Variants in MYO5B observed in about 807,000 individuals in gnomAD.
The protein encoded by MYO5B is myosin VB, also known as unconventional myosin-Vb.
Under a neutral mutation model 229.3 loss-of-function variants are expected in MYO5B, and 143 were observed. The ratio of observed to expected loss-of-function variants is 0.62; its 90% CI spans 0.54 to 0.72. The LOEUF (loss-of-function observed/expected upper bound fraction) is 0.72. Among genes scored for constraint, MYO5B ranks in the 30% least tolerant of loss-of-function variants. MYO5B has a pLI of 0.00. For synonymous variants in MYO5B, 918 were observed against 885.2 expected (o/e 1.04, Z -0.66); for missense variants, 2,321 against 2,331.0 (o/e 1.00, Z 0.09).
At chr18:50,031,194 G>A (rs967213540) in intron 4 of MYO5B, among the ~76,000 whole-genome samples, 1 of 152,166 alleles carries the variant, frequency 6.6e-6, no homozygotes, top group South Asian at 2.1e-4. Context: ...TACCCATTAA[G>A]GGAGGTAGAA....
At chr18:49,974,802 C>CAG (rs201386685) in intron 9 of MYO5B, among the ~76,000 whole-genome samples, 187 bp from the exon 10 acceptor site, 1,556 of 148,660 alleles carry the variant, frequency 0.01, 22 homozygotes, top group African/African-American at 0.037. Flanking sequence ...CACACAGACA[C>CAG]ACACACACAC....
chr18:49,974,647 G>A, intron 9 of MYO5B, 32 bp from the exon 10 acceptor site: 2 of 1,604,270 alleles, frequency 1.2e-6, no homozygotes, highest in Non-Finnish European at 1.7e-6. Context: ...GGTTCAGGAG[G>A]AGTGTGGGAG....
At chr18:49,970,967 A>C (rs1315306558) in intron 10 of MYO5B, 2 of 152,220 alleles carry the variant, frequency 1.3e-5, no homozygotes. Context: ...CTCAAAAGAG[A>C]CAAGGAGAAG....
At chr18:49,961,355 A>T (rs1267890596) in intron 12 of MYO5B, among the ~76,000 whole-genome samples, 1 of 152,198 alleles carries the variant, frequency 6.6e-6, no homozygotes, top group Non-Finnish European at 1.5e-5. Flanking sequence ...AAAAAAAAAT[A>T]TGCAAGCTGT....
At chr18:49,925,278 C>A (rs1568033039) in intron 17 of MYO5B, among the ~76,000 whole-genome samples, 1 of 152,224 alleles carries the variant, frequency 6.6e-6, no homozygotes, top group Non-Finnish European at 1.5e-5. Context: ...CCACCAATTG[C>A]CAATCAGAAA....
chr18:50,091,906 T>G (rs2031455808), intron 1 of MYO5B, among the ~76,000 whole-genome samples: 1 of 152,174 alleles, frequency 6.6e-6, no homozygotes, highest in Non-Finnish European at 1.5e-5. Context: ...GGGATGACAA[T>G]GCACTGGGAC....
At chr18:49,907,911 G>C (rs904273412) in intron 18 of MYO5B, among the ~76,000 whole-genome samples, 5 of 152,254 alleles carry the variant, frequency 3.3e-5, no homozygotes, top group Admixed American at 3.3e-4. Context: ...CTCATGCTGA[G>C]AGGAACAGGG....
At chr18:49,951,033 C>T (rs535694905) in intron 14 of MYO5B, among the ~76,000 whole-genome samples, 1 of 152,316 alleles carries the variant, frequency 6.6e-6, no homozygotes, top group East Asian at 1.9e-4. Context: ...AGGGTGCCTA[C>T]ATAATCAACC....
At position 50,001,327 on chromosome 18, in the gene MYO5B, G is replaced by A. The variant is rs370497980; in HGVS notation, c.540C>T (p.Phe180=). ...TVSAKYAMRY[F]ATVGGSASET... is the part of the protein sequence containing the mutation. ...CACTGGCCGAGCCACCAACGGTGGC[G>A]AAATAGCGCATGGCATACTTGGCTG... The change falls in exon 5 of 40, where the codon TTC becomes TTT. Residue 180 remains phenylalanine (F), a synonymous_variant. Coordinates refer to ENST00000285039, the MANE Select transcript of MYO5B (RefSeq NM_001080467.3). 41 of 1,614,044 alleles carry A rather than the reference G, an allele frequency of 2.5e-5. No homozygotes were observed. The highest frequency in any genetic ancestry group is 3.3e-4 in the Middle Eastern group (2 of 6,084).
At chr18:49,988,727 A>G (rs1014953378) in intron 7 of MYO5B, among the ~76,000 whole-genome samples, 11 of 152,140 alleles carry the variant, frequency 7.2e-5, no homozygotes, top group Admixed American at 2.6e-4. Flanking sequence ...AGGAAAGAGG[A>G]GGATGGCAGT....
intron 1 of MYO5B, among the ~76,000 whole-genome samples, chr18:50,165,846 A>C (rs561808975): frequency 2.6e-5 from 4 of 152,278 alleles, no homozygotes; most frequent in Middle Eastern, 3.4e-3. Context: ...AAGAAAGATA[A>C]GATAACCTGA....
chr18:49,884,353 A>G (rs979904069), intron 22 of MYO5B, among the ~76,000 whole-genome samples: 4 of 152,134 alleles, frequency 2.6e-5, no homozygotes, highest in Non-Finnish European at 4.4e-5. Context: ...TATTTATTAT[A>G]TACTTTATTT....
intron 31 of MYO5B, among the ~76,000 whole-genome samples, chr18:49,853,224 G>T (rs2024222182): frequency 6.6e-6 from 1 of 152,218 alleles, no homozygotes; most frequent in African/African-American, 2.4e-5. Context: ...AAGAAGGCAG[G>T]TGACGCCCCC....
Position 49,887,051 on chromosome 18 carries a change from T to G in MYO5B, c.3046-6596A>C, listed in dbSNP as rs80110214. 4.2e-3 allele frequency among the ~76,000 whole-genome samples: 639 copies of G among 152,268 alleles called. 7 individuals carry two copies. Among genetic ancestry groups the G allele is most frequent in the African/African-American group, 0.014 (595 of 41,564 alleles). The stretch of plus-strand genomic sequence containing the variant: ...CTGGGTCATGGGGGTGGATCCCTCA[T>G]GAATGCTGTAGCACCATCCCCTTGG... On this transcript the variant is annotated intron_variant, in intron 22 of 39. Transcript: ENST00000285039.
intron 10 of MYO5B, among the ~76,000 whole-genome samples, chr18:49,963,551 C>T (rs978730941): frequency 6.6e-6 from 1 of 151,940 alleles, no homozygotes; most frequent in African/African-American, 2.4e-5. Flanking sequence ...GTCAGCCTCC[C>T]GAGTAGCTGG....
At chr18:49,842,938 C>T (rs2024077581) in intron 34 of MYO5B, among the ~76,000 whole-genome samples, 1 of 152,224 alleles carries the variant, frequency 6.6e-6, no homozygotes. Flanking sequence ...TCCCTAGCAC[C>T]TCTGGCAGTG....
At chr18:49,923,546 G>A (rs993904878) in intron 17 of MYO5B, among the ~76,000 whole-genome samples, 4 of 152,182 alleles carry the variant, frequency 2.6e-5, no homozygotes, top group South Asian at 2.1e-4. Flanking sequence ...AAGTGTGGGC[G>A]ACACACACTG....
chr18:49,992,355 T>C lies in MYO5B; in HGVS notation c.689A>G (p.Lys230Arg), dbSNP rs750490159. ...FGKYIQIGFDKRYHIIGANMR... is the reference protein window; with the variant it reads ...FGKYIQIGFDRRYHIIGANMR... ...GTTGGCCCCGATGATGTGGTACCTT[T>C]TGTCAAAGCCAATCTGGATGTACTT... is the stretch of plus-strand genomic sequence containing the variant. Residue 230 changes from lysine (K) to arginine (R), a missense_variant, in exon 6 of 40, where the codon AAA becomes AGA. Around this residue, in one of 2 missense-constraint regions of MYO5B, gnomAD observed 2,113 missense variants for 2,044.7 expected, o/e 1.03. Coordinates refer to ENST00000285039, the MANE Select transcript of MYO5B (RefSeq NM_001080467.3). The C allele has an allele frequency of 6.2e-7, 1 of 1,614,186 alleles. No homozygotes were observed.
Position 49,843,365 on chromosome 18 carries a change from G to C in MYO5B, c.4487C>G (p.Thr1496Arg). 1 of 1,614,200 alleles carries C rather than the reference G, an allele frequency of 6.2e-7. No individual in the cohort carries two copies. Among genetic ancestry groups the C allele is most frequent in the Non-Finnish European group, 8.5e-7 (1 of 1,180,036 alleles). Residue 1496 changes from threonine (T) to arginine (R), a missense_variant, in exon 34 of 40, where the codon ACA becomes AGA. Thr to Arg is a moderately conservative substitution (Grantham distance 71). Coordinates refer to ENST00000285039, the MANE Select transcript of MYO5B (RefSeq NM_001080467.3). ...TDLKPQMLSG[T>R]VPCLPAYILY... Reference sequence around the variant, plus strand: ...GATGTAGGCGGGGAGACAGGGCACTGTGCCCGACAGCATCTGGGGCTTCAA... The same window carrying C: ...GATGTAGGCGGGGAGACAGGGCACTCTGCCCGACAGCATCTGGGGCTTCAA...
Sources: gnomAD v4.1 joint callset for allele counts (sites outside exome capture counted in the v4.1 genomes callset) on GRCh38, gnomAD v4.1.1 for gene constraint, gnomAD v4.1.1 regional missense constraint, MANE v1.5 for transcripts, NCBI Gene and HGNC (gene_info 2026-07-23, HGNC 2026-07-21) for gene names.